Variants in ELP4 observed in about 807,000 individuals in gnomAD.
ELP4 encodes elongator complex protein 4.
Under a neutral mutation model 48.9 loss-of-function variants are expected in ELP4, and 51 were observed. That is an observed-to-expected ratio of 1.04 (90% CI 0.83 to 1.32). The LOEUF (loss-of-function observed/expected upper bound fraction) is 1.32. ELP4 is among the 40% of genes most tolerant of loss of function. ELP4 has a pLI of 0.00. For synonymous variants in ELP4, 210 were observed against 189.2 expected, an observed-to-expected ratio of 1.11 and a Z score of -0.90; for missense variants, 519 against 514.6, an observed-to-expected ratio of 1.01 and a Z score of -0.08.
At chr11:31,586,809 A>AT (rs1383804993) in intron 3 of ELP4, among the ~76,000 whole-genome samples, 1 of 151,804 alleles carries the variant, frequency 6.6e-6, no homozygotes, top group Non-Finnish European at 1.5e-5. Flanking sequence ...CGCCCGGCTA[A>AT]TTTTGTATTT....
intron 5 of ELP4, among the ~76,000 whole-genome samples, chr11:31,610,023 G>C (rs1957947406): frequency 6.6e-6 from 1 of 152,068 alleles, no homozygotes; most frequent in Non-Finnish European, 1.5e-5. Flanking sequence ...TCCAGCCTGG[G>C]CAAAAGAGCA....
chr11:31,557,968 T>TA (rs1333171941), intron 3 of ELP4, among the ~76,000 whole-genome samples: 1 of 152,072 alleles, frequency 6.6e-6, no homozygotes, highest in Non-Finnish European at 1.5e-5. Flanking sequence ...ATCATATAAA[T>TA]ACAACTATTA....
chr11:31,537,338 A>G (rs1956517296), intron 2 of ELP4, among the ~76,000 whole-genome samples: 6 of 152,212 alleles, frequency 3.9e-5, no homozygotes, highest in Admixed American at 3.9e-4. Flanking sequence ...TCTGGACTCT[A>G]TTCTTTTCCA....
At chr11:31,596,623 T>C (rs1957675253) in intron 4 of ELP4, among the ~76,000 whole-genome samples, 1 of 152,200 alleles carries the variant, frequency 6.6e-6, no homozygotes, top group Non-Finnish European at 1.5e-5. Flanking sequence ...GTACCAGATA[T>C]AAAACATGTT....
chr11:31,699,268 A>C lies in ELP4; in HGVS notation c.1143+49047A>C, dbSNP rs1391854465. On this transcript the variant is annotated intron_variant, in intron 9 of 9. Transcript: ENST00000640961. ...GCACAGAAGGTATAAAATGAGACTAAAATTTGTGCCAGAAAGTAAGGAGAT... is the reference window on the plus strand; with the variant it reads ...GCACAGAAGGTATAAAATGAGACTACAATTTGTGCCAGAAAGTAAGGAGAT... Among the ~76,000 whole-genome samples the C allele has an allele frequency of 2.6e-5, 4 of 152,164 alleles. No homozygotes were observed. In the East Asian group the frequency reaches 7.7e-4, roughly 29 times the overall value.
intron 5 of ELP4, among the ~76,000 whole-genome samples, chr11:31,612,900 G>A (rs572884653): frequency 6.6e-6 from 1 of 152,220 alleles, no homozygotes; most frequent in African/African-American, 2.4e-5. Context: ...AAGTGGAGGA[G>A]GAGTGATTTG....
Position 31,790,068 on chromosome 11 carries a change from CA to C in ELP4, c.*6545del. ...CCATGTAGATATTCCCTTTGAGAAA[CA>C]GACATGGAATACAAATTTATAGGTT... On this transcript the variant is annotated 3_prime_UTR_variant, in exon 10 of 10. Coordinates refer to ENST00000640961, the MANE Select transcript of ELP4 (RefSeq NM_019040.5). 1 of 460,370 alleles carries C rather than the reference CA, an allele frequency of 2.2e-6. No individual in the cohort carries two copies. Among genetic ancestry groups the C allele is most frequent in the Non-Finnish European group, 3.4e-6 (1 of 293,738 alleles). 28.5% of individuals were successfully genotyped at this position (460,370 alleles called of 1,614,324 possible). A position where few individuals can be genotyped will look rare whatever the true frequency, so the allele number is the denominator to read the frequency against.
intron 9 of ELP4, among the ~76,000 whole-genome samples, chr11:31,697,323 T>C (rs1346339809): frequency 2.0e-5 from 3 of 152,178 alleles, no homozygotes; most frequent in African/African-American, 7.2e-5. Context: ...GCTTTTACAT[T>C]TCTTGTATTA....
intron 9 of ELP4, among the ~76,000 whole-genome samples, chr11:31,744,531 C>G (rs1008108019): frequency 6.6e-6 from 1 of 152,144 alleles, no homozygotes; most frequent in Non-Finnish European, 1.5e-5. Flanking sequence ...CATCAAAAAG[C>G]TTATCCACCA....
At chr11:31,729,553 A>G (rs1007482699) in intron 9 of ELP4, among the ~76,000 whole-genome samples, 2 of 152,206 alleles carry the variant, frequency 1.3e-5, no homozygotes, top group African/African-American at 4.8e-5. Context: ...AACGCTTCTA[A>G]CACCCTTTTG....
intron 9 of ELP4, among the ~76,000 whole-genome samples, chr11:31,747,484 G>A (rs1164321470): frequency 6.6e-6 from 1 of 152,108 alleles, no homozygotes; most frequent in Non-Finnish European, 1.5e-5. Context: ...ACCAAATTGG[G>A]GGAAAAGGAC....
chr11:31,734,803 C>T (rs999309159), intron 9 of ELP4, among the ~76,000 whole-genome samples: 7 of 152,150 alleles, frequency 4.6e-5, no homozygotes, highest in South Asian at 2.1e-4. Flanking sequence ...ACAATCTACA[C>T]GTTCAATGCA....
At chr11:31,622,186 T>G (rs1006366710) in intron 5 of ELP4, among the ~76,000 whole-genome samples, 19 of 151,886 alleles carry the variant, frequency 1.3e-4, no homozygotes, top group African/African-American at 4.6e-4. Flanking sequence ...GATTTTTCAC[T>G]TATCAACAAG....
intron 9 of ELP4, among the ~76,000 whole-genome samples, chr11:31,756,288 G>A (rs1236300452): frequency 6.6e-6 from 1 of 152,106 alleles, no homozygotes; most frequent in Non-Finnish European, 1.5e-5. Context: ...ATGACTAAAA[G>A]CCTTCATTGA....
intron 3 of ELP4, among the ~76,000 whole-genome samples, chr11:31,580,345 T>C (rs1957367813): frequency 6.6e-6 from 1 of 152,148 alleles, no homozygotes; most frequent in South Asian, 2.1e-4. Context: ...AAATAGGAGG[T>C]TGTTTTCTAA....
Position 31,789,743 on chromosome 11 carries a change from C to T in ELP4, c.*6219C>T, listed in dbSNP as rs750748406. The T allele has an allele frequency of 8.5e-6, 6 of 708,964 alleles. No homozygotes were observed. The highest frequency in any genetic ancestry group is 2.0e-5 in the Admixed American group (1 of 49,984). 43.9% of individuals were successfully genotyped at this position (708,964 alleles called of 1,614,324 possible). ...AGATTTGTTCCAACTGATATCGTGC[C>T]TTCTGTATACAAAGGTCCTTGTTTC... On this transcript the variant is annotated 3_prime_UTR_variant, in exon 10 of 10. Transcript: ENST00000640961.
At chr11:31,685,060 A>G (rs1439468363) in intron 9 of ELP4, among the ~76,000 whole-genome samples, 1 of 152,200 alleles carries the variant, frequency 6.6e-6, no homozygotes, top group Admixed American at 6.5e-5. Context: ...CCTAATAGCA[A>G]AGGAAGTTCA....
chr11:31,622,352 A>T (rs190030571), intron 5 of ELP4, among the ~76,000 whole-genome samples: 2 of 151,726 alleles, frequency 1.3e-5, no homozygotes, highest in Non-Finnish European at 3.0e-5. Flanking sequence ...TAAACCCCTC[A>T]GTTGAAGTGA....
intron 9 of ELP4, among the ~76,000 whole-genome samples, chr11:31,757,831 G>A (rs943749627): frequency 1.3e-5 from 2 of 152,098 alleles, no homozygotes; most frequent in African/African-American, 4.8e-5. Context: ...TCATAGAAGT[G>A]GAGGTAATAG....
Sources: gnomAD v4.1 joint callset for allele counts (sites outside exome capture counted in the v4.1 genomes callset) on GRCh38, gnomAD v4.1.1 for gene constraint, MANE v1.5 for transcripts, NCBI Gene and HGNC (gene_info 2026-07-23, HGNC 2026-07-21) for gene names.